The following ITK variants were observed in gnomAD, a reference collection of about 807,000 sequenced individuals.
The protein encoded by ITK is tyrosine-protein kinase ITK/TSK.
ITK carries 45 observed loss-of-function variants against 87.6 expected under a neutral mutation model. The ratio of observed to expected loss-of-function variants is 0.51; its 90% CI spans 0.40 to 0.66. ITK has a LOEUF of 0.66. ITK is among the 30% of genes least tolerant of loss of function. The probability of loss-of-function intolerance (pLI) is 0.00; values close to 1 mark genes in which losing one functional copy is unlikely to be tolerated. For synonymous variants in ITK, 303 were observed against 273.6 expected (o/e 1.11, Z -1.06); for missense variants, 605 against 766.3 (o/e 0.79, Z 2.48).
Position 157,222,863 on chromosome 5 carries a change from C to A in ITK, c.496C>A (p.Arg166=). ...PLPPTPEDNR[R]PLWEPEETVV... ...TGGTTTTGTTGTCTCTCTTCCCCAGCGACCACTTTGGGAACCTGAAGAAAC... is the reference window on the plus strand; with the variant it reads ...TGGTTTTGTTGTCTCTCTTCCCCAGAGACCACTTTGGGAACCTGAAGAAAC... The change falls in exon 6 of 17, where the codon CGA becomes AGA. Residue 166 remains arginine, a splice_region_variant and synonymous_variant. Coordinates refer to ENST00000422843, the MANE Select transcript of ITK (RefSeq NM_005546.4). The A allele has an allele frequency of 6.2e-7, 1 of 1,613,966 alleles. No individual in the cohort carries two copies. Among genetic ancestry groups the A allele is most frequent in the Non-Finnish European group, 8.5e-7 (1 of 1,179,966 alleles).
intron 1 of ITK, among the ~76,000 whole-genome samples, chr5:157,185,034 C>A (rs71593005): frequency 0.011 from 1,685 of 152,188 alleles, 19 homozygotes; most frequent in African/African-American, 0.026. Flanking sequence ...GCAACAGAAC[C>A]ATCTCCTGCT....
At chr5:157,222,596 C>T (rs1428210266) in intron 5 of ITK, among the ~76,000 whole-genome samples, 2 of 152,190 alleles carry the variant, frequency 1.3e-5, no homozygotes, top group East Asian at 1.9e-4. Flanking sequence ...CTGCATATAA[C>T]ATAGTGCAGA....
chr5:157,253,032 A>G lies in ITK; in HGVS notation c.*354A>G, dbSNP rs1214921515. On this transcript the variant is annotated 3_prime_UTR_variant, in exon 17 of 17. Coordinates refer to ENST00000422843, the MANE Select transcript of ITK (RefSeq NM_005546.4). ...AGACATGAGTAAGACCCAGATTGCT[A>G]TTTTTATTGTTATTTTTAACATGAA... The G allele has an allele frequency of 2.7e-6, 1 of 375,162 alleles. No individual in the cohort carries two copies. Among genetic ancestry groups the G allele is most frequent in the Non-Finnish European group, 5.0e-6 (1 of 198,678 alleles). The allele number at this position is 375,162 out of a possible 1,614,324, so 23.2% of individuals were successfully genotyped here.
intron 8 of ITK, among the ~76,000 whole-genome samples, chr5:157,233,963 ATTTTTTTTTTTTTT>A (rs869230073): frequency 4.5e-4 from 10 of 22,280 alleles, no homozygotes; most frequent in East Asian, 4.4e-3. Context: ...ATATATATAT[ATTTTTTTTTTTTTT>A]TTTTTTTTTT....
At chr5:157,213,110 A>G (rs1368504322) in intron 3 of ITK, among the ~76,000 whole-genome samples, 2 of 152,154 alleles carry the variant, frequency 1.3e-5, no homozygotes, top group African/African-American at 4.8e-5. Flanking sequence ...ACAGTTCTGT[A>G]TGGCTGGGAG....
Position 157,184,837 on chromosome 5 carries a change from GAAAGGT to G in ITK, c.138+3723_138+3728del, listed in dbSNP as rs145715922. ...TTCTGAAAGCCCCTCTGGAGAACTG[GAAAGGT>G]TCTCCTATTTTGATGACTCTTTGCC... On this transcript the variant is annotated intron_variant, in intron 1 of 16. Coordinates refer to ENST00000422843, the MANE Select transcript of ITK (RefSeq NM_005546.4). 8.0e-3 allele frequency among the ~76,000 whole-genome samples: 1,223 copies of G among 152,322 alleles called. 13 individuals carry two copies. The highest frequency in any genetic ancestry group is 0.028 in the African/African-American group (1,162 of 41,562).
At chr5:157,225,563 A>T (rs1227718080) in intron 6 of ITK, among the ~76,000 whole-genome samples, 1 of 152,160 alleles carries the variant, frequency 6.6e-6, no homozygotes, top group Non-Finnish European at 1.5e-5. Context: ...CTCTTTAAGT[A>T]GGCTTATCAA....
At chr5:157,201,969 G>T (rs1035967714) in intron 1 of ITK, among the ~76,000 whole-genome samples, 2 of 152,164 alleles carry the variant, frequency 1.3e-5, no homozygotes, top group African/African-American at 4.8e-5. Context: ...CCAGTAGGTA[G>T]ATTTTCAATT....
chr5:157,239,761 T>C (rs1754850738), intron 9 of ITK, among the ~76,000 whole-genome samples: 1 of 152,188 alleles, frequency 6.6e-6, no homozygotes, highest in Non-Finnish European at 1.5e-5. Context: ...ATTCATAGAA[T>C]AGGCAAGGCA....
In ITK at chr5:157,180,891, C is replaced by T; in HGVS notation, c.-87C>T. The T allele has an allele frequency of 3.0e-6, 4 of 1,333,672 alleles. No homozygotes were observed. The highest frequency in any genetic ancestry group is 4.3e-6 in the Non-Finnish European group (4 of 930,242). The allele number at this position is 1,333,672 out of a possible 1,614,324, so 82.6% of individuals were successfully genotyped here. A position where few individuals can be genotyped will look rare whatever the true frequency, so the allele number is the denominator to read the frequency against. On this transcript the variant is annotated 5_prime_UTR_variant, in exon 1 of 17. Coordinates refer to ENST00000422843, the MANE Select transcript of ITK (RefSeq NM_005546.4). ...CAGCTCTCTGAAGATCAACTGCCTC[C>T]ACATTGCATTCTTTGCCCCAAAACT...
At chr5:157,217,963 A>C (rs747728959) in intron 5 of ITK, 56 bp downstream of exon 5, 3 of 1,474,092 alleles carry the variant, frequency 2.0e-6, no homozygotes, top group African/African-American at 2.8e-5. Context: ...CCTGATTGGC[A>C]TGTTCCTATT....
Position 157,245,913 on chromosome 5 carries a change from C to T in ITK, c.1547C>T (p.Thr516Ile). 1.2e-6 allele frequency: 2 copies of T among 1,614,158 alleles called. No individual in the cohort carries two copies. The highest frequency in any genetic ancestry group is 8.5e-7 in the Non-Finnish European group (1 of 1,179,958). Residue 516 changes from threonine (T) to isoleucine (I), a missense_variant, in exon 15 of 17, where the codon ACA becomes ATA. Thr to Ile is a moderately conservative substitution (Grantham distance 89, BLOSUM62 -1). This residue lies in a region of ITK where 70 missense variants were observed against 122.5 expected (regional missense o/e 0.57). Transcript: ENST00000422843. The stretch of plus-strand genomic sequence containing the variant: ...CTGGATGATCAGTACACCAGTTCCA[C>T]AGGCACCAAATTCCCGGTGAAGTGG... Reference protein sequence around the residue: ...FVLDDQYTSSTGTKFPVKWAS... With the variant: ...FVLDDQYTSSIGTKFPVKWAS...
chr5:157,193,580 G>A (rs1409007915), intron 1 of ITK, among the ~76,000 whole-genome samples: 4 of 152,134 alleles, frequency 2.6e-5, no homozygotes, highest in South Asian at 4.1e-4. Context: ...TTATCCCCAT[G>A]TCATTTATGA....
At chr5:157,211,140 A>G (rs2113753836) in intron 2 of ITK, 147 bp from the exon 3 acceptor site, 1 of 704,918 alleles carries the variant, frequency 1.4e-6, no homozygotes, top group African/African-American at 1.7e-5. Flanking sequence ...ACACCTGGAT[A>G]AAAAGGATAC....
At chr5:157,243,941 C>G (rs1209352286) in intron 12 of ITK, 147 bp downstream of exon 12, 4 of 792,042 alleles carry the variant, frequency 5.1e-6, no homozygotes, top group Non-Finnish European at 8.7e-6. Context: ...TACAATCAAA[C>G]TCTTCACAGT....
intron 5 of ITK, among the ~76,000 whole-genome samples, chr5:157,220,801 A>C (rs1754398694): frequency 1.3e-5 from 2 of 152,228 alleles, no homozygotes; most frequent in Non-Finnish European, 2.9e-5. Context: ...CCTGAAAAGA[A>C]ATTTATAACT....
chr5:157,250,092 TTTACA>T (rs537257721), intron 16 of ITK, among the ~76,000 whole-genome samples: 167 of 152,334 alleles, frequency 1.1e-3, no homozygotes, highest in Non-Finnish European at 1.4e-3. Context: ...AAGTTCATAG[TTTACA>T]TTAAGGTTCA....
At chr5:157,209,610 C>T (rs1754148336) in intron 2 of ITK, among the ~76,000 whole-genome samples, 1 of 152,026 alleles carries the variant, frequency 6.6e-6, no homozygotes, top group African/African-American at 2.4e-5. Context: ...CTATCAGCGG[C>T]CTGAAACCTA....
chr5:157,240,059 A>G lies in ITK; in HGVS notation c.852-3A>G. 6.2e-7 allele frequency: 1 copy of G among 1,611,360 alleles called. No homozygotes were observed. Among genetic ancestry groups the G allele is most frequent in the Non-Finnish European group, 8.5e-7 (1 of 1,177,514 alleles). ...CATTACATTTGTGTTTCATTTGTTT[A>G]AGTGAGAACAATCCCTGTATAAAGC... On this transcript the variant is annotated splice_polypyrimidine_tract_variant and splice_region_variant and intron_variant, in intron 9 of 16. Transcript: ENST00000422843.
Sources: gnomAD v4.1 joint callset for allele counts (sites outside exome capture counted in the v4.1 genomes callset) on GRCh38, gnomAD v4.1.1 for gene constraint, gnomAD v4.1.1 regional missense constraint, MANE v1.5 for transcripts, NCBI Gene and HGNC (gene_info 2026-07-23, HGNC 2026-07-21) for gene names.